The following JAK1 variants were observed in gnomAD, a reference collection of about 807,000 sequenced individuals.
JAK1 encodes the protein tyrosine-protein kinase JAK1.
In JAK1, 16 loss-of-function variants were observed where a neutral mutation model predicts 136.6. That is an observed-to-expected ratio of 0.12 (90% CI 0.08 to 0.18). The LOEUF is 0.18. Ranked by LOEUF, JAK1 falls within the 10% of genes least tolerant of loss-of-function variation. The pLI, the probability that JAK1 is intolerant of heterozygous loss-of-function variation, is 1.00. For synonymous variants in JAK1, 492 were observed against 519.5 expected, an observed-to-expected ratio of 0.95 and a Z score of 0.72; for missense variants, 859 against 1,450.1, an observed-to-expected ratio of 0.59 and a Z score of 6.62.
Position 64,839,810 on chromosome 1 carries a change from G to T in JAK1, c.2650-15C>A. On this transcript the variant is annotated splice_polypyrimidine_tract_variant and intron_variant, in intron 19 of 24. Transcript: ENST00000342505. ...CCAAAGTGGCCCTGGAGGGAAAGAT[G>T]CATGTGCTGTTATCAGGGAAGCCCC... The T allele has an allele frequency of 6.3e-7, 1 of 1,592,786 alleles. No homozygotes were observed. The highest frequency in any genetic ancestry group is 8.6e-7 in the Non-Finnish European group (1 of 1,168,512).
At chr1:64,894,798 C>T (rs1277203875) in intron 1 of JAK1, among the ~76,000 whole-genome samples, 1 of 151,872 alleles carries the variant, frequency 6.6e-6, no homozygotes, top group East Asian at 1.9e-4. Context: ...AAAAAAAAAC[C>T]AGGAAATCTC....
chr1:64,984,540 G>A lies in JAK1; in HGVS notation c.-78+59940C>T. On this transcript the variant is annotated intron_variant, in intron 2 of 25. Coordinates refer to the JAK1 transcript ENST00000671954. The surrounding 1 kb of genome is among the most constrained non-coding windows in gnomAD (Gnocchi z 4.1). ...GAAGCAGCCCTGGGTTCATCCTTATGAGGTCTCTCCCTCATTCAGGGAGGT... is the reference window on the plus strand; with the variant it reads ...GAAGCAGCCCTGGGTTCATCCTTATAAGGTCTCTCCCTCATTCAGGGAGGT... 1 of 350,158 alleles carries A rather than the reference G, an allele frequency of 2.9e-6. No individual in the cohort carries two copies. Among genetic ancestry groups the A allele is most frequent in the Non-Finnish European group, 5.7e-6 (1 of 175,710 alleles). The allele number at this position is 350,158 out of a possible 1,614,324, so 21.7% of individuals were successfully genotyped here. A position where few individuals can be genotyped will look rare whatever the true frequency, so the allele number is the denominator to read the frequency against.
chr1:64,994,418 A>G (rs1646685339), intron 2 of JAK1, among the ~76,000 whole-genome samples: 1 of 152,216 alleles, frequency 6.6e-6, no homozygotes, highest in African/African-American at 2.4e-5. Context: ...CTGAGACTGG[A>G]TAATTTACAA....
intron 1 of JAK1, among the ~76,000 whole-genome samples, chr1:64,922,643 C>T (rs551772440): frequency 2.6e-5 from 4 of 152,130 alleles, no homozygotes; most frequent in African/African-American, 9.7e-5. Context: ...TCTAACCATA[C>T]CTCATTTAAA....
chr1:64,985,623 T>C, intron 2 of JAK1: 1 of 827,194 alleles, frequency 1.2e-6, no homozygotes, highest in Non-Finnish European at 2.0e-6. Context: ...GCCCAGCTGG[T>C]TGAGAGTGCC....
chr1:65,012,539 T>C (rs1007832090), intron 2 of JAK1, among the ~76,000 whole-genome samples: 8 of 152,078 alleles, frequency 5.3e-5, no homozygotes, highest in Non-Finnish European at 1.0e-4. Context: ...AAATCTAAGG[T>C]ATACTGAGTA....
At chr1:64,851,003 G>T (rs2101030781) in intron 11 of JAK1, 93 bp from the exon 12 acceptor site, 1 of 808,126 alleles carries the variant, frequency 1.2e-6, no homozygotes, top group Non-Finnish European at 2.1e-6. Flanking sequence ...TGGGACCGGT[G>T]TGCGGGCGCT....
At chr1:65,001,108 C>T (rs1486933885) in intron 2 of JAK1, among the ~76,000 whole-genome samples, 2 of 152,134 alleles carry the variant, frequency 1.3e-5, no homozygotes, top group South Asian at 2.1e-4. Context: ...AACAGCTGCT[C>T]TAGTTGGGCA....
At chr1:64,937,324 T>A (rs1193672471) in intron 1 of JAK1, among the ~76,000 whole-genome samples, 1 of 152,158 alleles carries the variant, frequency 6.6e-6, no homozygotes, top group Non-Finnish European at 1.5e-5. Context: ...ACTTTTGGTT[T>A]CCAGGAAAAT....
chr1:64,923,875 C>A (rs1251009309), intron 1 of JAK1, among the ~76,000 whole-genome samples: 2 of 152,114 alleles, frequency 1.3e-5, no homozygotes, highest in Non-Finnish European at 1.5e-5. Flanking sequence ...TCATAATGCT[C>A]TCCCTTTACT....
At chr1:64,896,081 A>C (rs1645009672) in intron 1 of JAK1, among the ~76,000 whole-genome samples, 1 of 152,216 alleles carries the variant, frequency 6.6e-6, no homozygotes, top group Non-Finnish European at 1.5e-5. Context: ...GGAATCTTTA[A>C]TTGTATTTCC....
intron 2 of JAK1, among the ~76,000 whole-genome samples, chr1:65,038,938 T>TTGTGTGTGTGTGTGTGTGTGTG (rs150814115): frequency 5.2e-4 from 77 of 147,942 alleles, no homozygotes; most frequent in African/African-American, 1.6e-3. Flanking sequence ...GCACCCAGTC[T>TTGTGTGTGTGTGTGTGTGTGTG]TGTGTGTGTG....
At chr1:64,850,671 CA>C (rs1317116766) in intron 12 of JAK1, 132 bp downstream of exon 12, 10 of 662,030 alleles carry the variant, frequency 1.5e-5, no homozygotes, top group Non-Finnish European at 2.7e-5. Context: ...CTTTTGCCAT[CA>C]AAGGAAAGTC....
At chr1:64,957,654 C>CA (rs1406486255) in intron 1 of JAK1, among the ~76,000 whole-genome samples, 2 of 150,198 alleles carry the variant, frequency 1.3e-5, no homozygotes, top group African/African-American at 4.9e-5. Flanking sequence ...ACTAAAAATA[C>CA]AAAAAATTAG....
chr1:64,988,216 T>C (rs1646618502), intron 2 of JAK1, among the ~76,000 whole-genome samples: 1 of 152,168 alleles, frequency 6.6e-6, no homozygotes, highest in Non-Finnish European at 1.5e-5. Flanking sequence ...TGAGAGCTGC[T>C]TGTCAAATAT....
At chr1:65,020,225 CAAAA>C (rs375362876) in intron 2 of JAK1, among the ~76,000 whole-genome samples, 1,321 of 50,748 alleles carry the variant, frequency 0.026, 19 homozygotes, top group African/African-American at 0.085. Context: ...AACTCCGTCT[CAAAA>C]AAAAAAAAAA....
chr1:65,022,445 G>A (rs1031586707), intron 2 of JAK1, among the ~76,000 whole-genome samples: 1 of 152,168 alleles, frequency 6.6e-6, no homozygotes, highest in African/African-American at 2.4e-5. Context: ...AGGGAAGTTT[G>A]TAAATGACTC....
chr1:64,865,671 C>A (rs1416904240), intron 7 of JAK1, among the ~76,000 whole-genome samples: 2 of 152,114 alleles, frequency 1.3e-5, no homozygotes, highest in Non-Finnish European at 2.9e-5. Flanking sequence ...TAGTATAATA[C>A]CTATTATACA....
intron 1 of JAK1, among the ~76,000 whole-genome samples, chr1:64,888,582 C>A (rs1305039285): frequency 2.0e-5 from 3 of 152,216 alleles, no homozygotes; most frequent in East Asian, 1.9e-4. Flanking sequence ...AAGGATCTGA[C>A]TAAAATCACT....
Sources: allele counts gnomAD v4.1 joint callset (sites outside exome capture counted in the v4.1 genomes callset), GRCh38; gene constraint gnomAD v4.1.1; non-coding constraint Gnocchi (gnomAD v3.1); transcripts MANE v1.5; gene names NCBI Gene and HGNC (gene_info 2026-07-23, HGNC 2026-07-21).